Variants in KLRG1 observed in about 807,000 individuals in gnomAD.
KLRG1 encodes killer cell lectin-like receptor subfamily G member 1.
Under a neutral mutation model 21.8 loss-of-function variants are expected in KLRG1, and 16 were observed. The observed-to-expected ratio is 0.73, with a 90% confidence interval of 0.50 to 1.11. KLRG1 has a LOEUF of 1.11. Among genes scored for constraint, KLRG1 ranks in the 50% most tolerant of loss-of-function variants. KLRG1 has a pLI of 0.00. For synonymous variants in KLRG1, 69 were observed against 75.9 expected (o/e 0.91, Z 0.47); for missense variants, 173 against 218.3 (o/e 0.79, Z 1.31).
At chr12:9,120,482 G>A in the KLRG1 span, among the ~76,000 whole-genome samples, 260 of 152,240 alleles carry the variant, frequency 1.7e-3, 1 homozygote, top group African/African-American at 6.0e-3. Context: ...GGAGGTAGGT[G>A]GGCCTTAACA....
chr12:9,072,330 G>A, the KLRG1 span: 14 of 1,611,468 alleles, frequency 8.7e-6, no homozygotes, highest in Non-Finnish European at 1.2e-5. Flanking sequence ...TTATTCTTAG[G>A]ATTAGGTGAT....
At chr12:8,982,659 TTTTG>T (rs1946773376) in intron 1 of KLRG1, among the ~76,000 whole-genome samples, 1 of 151,718 alleles carries the variant, frequency 6.6e-6, no homozygotes. Flanking sequence ...TTTTTTTTTT[TTTTG>T]AGATGGAGTT....
intron 3 of KLRG1, 52 bp downstream of exon 3, chr12:8,995,340 GT>G: frequency 6.8e-7 from 1 of 1,477,664 alleles, no homozygotes; most frequent in East Asian, 2.3e-5. Context: ...TTTTGTTTTT[GT>G]TTTTAAACTG....
At chr12:9,168,999 T>TTACAAGTAGATTGA in the KLRG1 span, 1 of 1,510,518 alleles carries the variant, frequency 6.6e-7, no homozygotes, top group Non-Finnish European at 9.2e-7. Flanking sequence ...TTGTTCAATC[T>TTACAAGTAGATTGA]ACTTGTAAGC....
At chr12:9,147,143 CTT>C in the KLRG1 span, among the ~76,000 whole-genome samples, 1 of 152,188 alleles carries the variant, frequency 6.6e-6, no homozygotes, top group Non-Finnish European at 1.5e-5. Context: ...TGGATCAACT[CTT>C]TCTCTCCCTA....
chr12:9,211,421 T>C, the KLRG1 span, among the ~76,000 whole-genome samples: 3 of 152,218 alleles, frequency 2.0e-5, no homozygotes, highest in African/African-American at 7.2e-5. Flanking sequence ...TCTGTTCTTA[T>C]ATAATTTTTG....
chr12:9,076,062 G>A, the KLRG1 span, among the ~76,000 whole-genome samples: 1 of 152,154 alleles, frequency 6.6e-6, no homozygotes, highest in Non-Finnish European at 1.5e-5. Context: ...ATATGTAGAA[G>A]TACTGTGTGA....
At chr12:9,024,238 G>C in the KLRG1 span, among the ~76,000 whole-genome samples, 1 of 151,586 alleles carries the variant, frequency 6.6e-6, no homozygotes, top group South Asian at 2.1e-4. Flanking sequence ...TGTTGGCCGG[G>C]CTAGTCTCAA....
chr12:9,140,157 G>T, the KLRG1 span, among the ~76,000 whole-genome samples: 5 of 152,204 alleles, frequency 3.3e-5, no homozygotes, highest in African/African-American at 9.7e-5. Flanking sequence ...GCCCTTTGGG[G>T]CAGTTTTTGG....
At chr12:9,107,865 T>C in the KLRG1 span, among the ~76,000 whole-genome samples, 105 of 152,304 alleles carry the variant, frequency 6.9e-4, no homozygotes, top group African/African-American at 2.3e-3. Context: ...TCATTTCTTT[T>C]TTTTCCTCGT....
chr12:9,069,425 T>C, the KLRG1 span, among the ~76,000 whole-genome samples: 4 of 152,186 alleles, frequency 2.6e-5, no homozygotes, highest in Non-Finnish European at 5.9e-5. Flanking sequence ...TAACTAATAA[T>C]TGACTAATCA....
the KLRG1 span, among the ~76,000 whole-genome samples, chr12:9,121,144 G>A: frequency 2.6e-5 from 4 of 151,928 alleles, no homozygotes; most frequent in Admixed American, 6.6e-5. This position sits in a 1 kb window ranked among gnomAD's most constrained non-coding sequence, Gnocchi z 4.4. Flanking sequence ...TCTCGGCCCC[G>A]CAAAGTGTTA....
the KLRG1 span, chr12:9,196,908 T>C: frequency 8.5e-6 from 8 of 938,820 alleles, no homozygotes; most frequent in African/African-American, 1.7e-5. Context: ...TGGTGGGGGA[T>C]ATTTTGCGAC....
the KLRG1 span, among the ~76,000 whole-genome samples, chr12:9,212,920 A>G: frequency 6.6e-6 from 1 of 152,198 alleles, no homozygotes; most frequent in East Asian, 1.9e-4. Context: ...ATCACCCCCA[A>G]AAGAAACTAC....
chr12:9,067,595 T>G, the KLRG1 span: 29 of 602,886 alleles, frequency 4.8e-5, no homozygotes, highest in Non-Finnish European at 7.9e-5. Flanking sequence ...ATCATTTTTT[T>G]GTATTCTGAA....
the KLRG1 span, chr12:9,194,276 C>CA: frequency 1.3e-6 from 2 of 1,599,036 alleles, no homozygotes; most frequent in African/African-American, 2.7e-5. Context: ...ATGTGAACAA[C>CA]ACCCAGAGAG....
chr12:9,121,763 G>A, the KLRG1 span, among the ~76,000 whole-genome samples: 1 of 151,970 alleles, frequency 6.6e-6, no homozygotes, highest in African/African-American at 2.4e-5. The surrounding 1 kb of genome is among the most constrained non-coding windows in gnomAD (Gnocchi z 4.4). Context: ...TTATACTTTG[G>A]GGCATGCCGA....
downstream of KLRG1, among the ~76,000 whole-genome samples, chr12:9,012,802 G>A: frequency 6.6e-6 from 1 of 152,020 alleles, no homozygotes; most frequent in South Asian, 2.1e-4. Flanking sequence ...TAGAGACCCA[G>A]GCCTGGCAGC....
chr12:9,025,415 T>A, the KLRG1 span, among the ~76,000 whole-genome samples: 1 of 152,138 alleles, frequency 6.6e-6, no homozygotes, highest in Non-Finnish European at 1.5e-5. Context: ...GGCAGGCAGA[T>A]CACTTGAGGC....
Sources: allele counts gnomAD v4.1 joint callset (sites outside exome capture counted in the v4.1 genomes callset), GRCh38; gene constraint gnomAD v4.1.1; non-coding constraint Gnocchi (gnomAD v3.1); transcripts MANE v1.5; gene names NCBI Gene and HGNC (gene_info 2026-07-23, HGNC 2026-07-21).